IL15: variants seen among roughly 807,000 people sequenced by gnomAD.
IL15 encodes interleukin 15, also known as interleukin-15.
Under a neutral mutation model 19.6 loss-of-function variants are expected in IL15, and 11 were observed. That is an observed-to-expected ratio of 0.56 (90% confidence interval 0.35 to 0.93). IL15 has a LOEUF of 0.93. Among genes scored for constraint, IL15 ranks in the 40% least tolerant of loss-of-function variants. The pLI is 0.01. For synonymous variants in IL15, 58 were observed against 59.6 expected, an observed-to-expected ratio of 0.97 and a Z score of 0.12; for missense variants, 197 against 186.5, an observed-to-expected ratio of 1.06 and a Z score of -0.33.
intron 2 of IL15, among the ~76,000 whole-genome samples, chr4:141,708,116 A>T (rs1729587253): frequency 6.6e-6 from 1 of 152,212 alleles, no homozygotes; most frequent in Non-Finnish European, 1.5e-5. Flanking sequence ...AGGCACATAC[A>T]TGCTCAGAGT....
intron 2 of IL15, chr4:141,714,657 C>T (rs914667755): frequency 1.3e-5 from 2 of 152,260 alleles, no homozygotes; most frequent in African/African-American, 4.8e-5. Flanking sequence ...CCTGTCAGTG[C>T]ATTTGATGTG....
intron 1 of IL15, among the ~76,000 whole-genome samples, chr4:141,653,516 A>G (rs1727481215): frequency 6.6e-6 from 1 of 152,158 alleles, no homozygotes; most frequent in Non-Finnish European, 1.5e-5. Flanking sequence ...TTTTGTGCAG[A>G]CACACAAAAA....
At chr4:141,711,539 C>T (rs1398755712) in intron 2 of IL15, among the ~76,000 whole-genome samples, 1 of 151,972 alleles carries the variant, frequency 6.6e-6, no homozygotes, top group African/African-American at 2.4e-5. Flanking sequence ...TTTTTATATG[C>T]TTAGCATGCT....
At position 141,667,532 on chromosome 4, in the gene IL15, C is replaced by T. The variant is rs112602607; in HGVS notation, c.-100+11225C>T. ...AGTAGAGAAAAAACTGTTTTTCCAC[C>T]CAGCACCTATGGTTTAATTCATACC... is the stretch of plus-strand genomic sequence containing the variant. On this transcript the variant is annotated intron_variant, in intron 2 of 7. Coordinates refer to ENST00000320650, the MANE Select transcript of IL15 (RefSeq NM_000585.5). 5.9e-3 allele frequency among the ~76,000 whole-genome samples: 899 copies of T among 152,122 alleles called. 9 individuals carry two copies. Among genetic ancestry groups the T allele is most frequent in the African/African-American group, 0.021 (852 of 41,494 alleles).
chr4:141,721,816 A>AT lies in IL15; in HGVS notation c.111-102dup. The stretch of plus-strand genomic sequence containing the variant: ...ATGCACAGAAGCAAGGATAACACTG[A>AT]TTTTTTCACTGGTCAGAATAAAAAT... On this transcript the variant is annotated intron_variant, in intron 4 of 7. Transcript: ENST00000320650. The AT allele has an allele frequency of 1.8e-5, 18 of 975,962 alleles. No individual in the cohort carries two copies. The South Asian group carries it at 2.4e-4, about 13-fold the overall frequency. The allele number at this position is 975,962 out of a possible 1,614,324, so 60.5% of individuals were successfully genotyped here. A position where few individuals can be genotyped will look rare whatever the true frequency, so the allele number is the denominator to read the frequency against.
At chr4:141,676,292 CTT>C (rs1425164338) in intron 2 of IL15, among the ~76,000 whole-genome samples, 1 of 152,162 alleles carries the variant, frequency 6.6e-6, no homozygotes, top group Non-Finnish European at 1.5e-5. Context: ...AGCTGCCAGT[CTT>C]TTGCTTTTAC....
chr4:141,689,424 G>T (rs1728831980), intron 2 of IL15, among the ~76,000 whole-genome samples: 1 of 152,144 alleles, frequency 6.6e-6, no homozygotes, highest in African/African-American at 2.4e-5. Context: ...GCTAGATGCA[G>T]TGTCCACACA....
At chr4:141,641,414 C>T (rs1456894833) in intron 1 of IL15, among the ~76,000 whole-genome samples, 1 of 151,992 alleles carries the variant, frequency 6.6e-6, no homozygotes, top group African/African-American at 2.4e-5. Context: ...CAGCACTATT[C>T]ACAATAGCAA....
chr4:141,706,632 T>C (rs950759201), intron 2 of IL15, among the ~76,000 whole-genome samples: 3 of 152,148 alleles, frequency 2.0e-5, no homozygotes, highest in Non-Finnish European at 4.4e-5. Flanking sequence ...CGTCAGTGTT[T>C]GTTTGTCTGG....
At chr4:141,652,941 C>A (rs144773820) in intron 1 of IL15, among the ~76,000 whole-genome samples, 3 of 152,056 alleles carry the variant, frequency 2.0e-5, no homozygotes, top group Non-Finnish European at 2.9e-5. Flanking sequence ...TCACCGAATA[C>A]GTTATTATCA....
intron 7 of IL15, among the ~76,000 whole-genome samples, chr4:141,731,473 C>T (rs1233439593): frequency 6.6e-6 from 1 of 152,138 alleles, no homozygotes; most frequent in Non-Finnish European, 1.5e-5. Flanking sequence ...TTATCTCCAT[C>T]TTATTGGTGG....
intron 2 of IL15, among the ~76,000 whole-genome samples, chr4:141,661,427 G>T (rs1273651263): frequency 6.6e-6 from 1 of 151,996 alleles, no homozygotes; most frequent in East Asian, 1.9e-4. Flanking sequence ...TTGGAAGGAA[G>T]GGGTTGTATC....
chr4:141,710,408 CA>C lies in IL15; in HGVS notation c.-99-8957del, dbSNP rs1444441679. 5.9e-5 allele frequency among the ~76,000 whole-genome samples: 9 copies of C among 152,294 alleles called. 1 individual carries two copies. The South Asian group carries it at 1.9e-3, about 32-fold the overall frequency. ...TACTTTTTCTCTATTCTTGTTACTA[CA>C]GTCATATTTACTTGGCATATCTTTT... On this transcript the variant is annotated intron_variant, in intron 2 of 7. Transcript: ENST00000320650.
chr4:141,669,767 A>G (rs1245545190), intron 2 of IL15, among the ~76,000 whole-genome samples: 1 of 76,458 alleles, frequency 1.3e-5, no homozygotes, highest in Non-Finnish European at 2.3e-5. Context: ...GTCACATCTT[A>G]TTCTTTGTAT....
intron 2 of IL15, among the ~76,000 whole-genome samples, chr4:141,666,360 A>T (rs1727986697): frequency 6.6e-6 from 1 of 151,928 alleles, no homozygotes; most frequent in Non-Finnish European, 1.5e-5. Context: ...TTAATTTAAA[A>T]TTTTCAATTT....
intron 1 of IL15, among the ~76,000 whole-genome samples, chr4:141,651,954 C>T (rs1727422006): frequency 6.6e-6 from 1 of 152,006 alleles, no homozygotes; most frequent in Non-Finnish European, 1.5e-5. Context: ...TCTTGGGAAA[C>T]CTGTAGCAAG....
intron 2 of IL15, among the ~76,000 whole-genome samples, chr4:141,665,856 C>T (rs1028026787): frequency 2.0e-5 from 3 of 152,000 alleles, no homozygotes; most frequent in African/African-American, 7.2e-5. Flanking sequence ...TGGTTTCTGT[C>T]TCATAACTCC....
intron 5 of IL15, 107 bp downstream of exon 5, chr4:141,722,115 T>G (rs904601168): frequency 7.7e-7 from 1 of 1,303,810 alleles, no homozygotes. Flanking sequence ...AACAATAATA[T>G]TTTTGTAGAA....
intron 2 of IL15, among the ~76,000 whole-genome samples, chr4:141,678,004 C>A (rs982405736): frequency 1.3e-5 from 2 of 152,134 alleles, no homozygotes; most frequent in African/African-American, 4.8e-5. Context: ...GTCTCTATAC[C>A]ACATTCATCA....
Sources: gnomAD v4.1 joint callset for allele counts (sites outside exome capture counted in the v4.1 genomes callset) on GRCh38, gnomAD v4.1.1 for gene constraint, MANE v1.5 for transcripts, NCBI Gene and HGNC (gene_info 2026-07-23, HGNC 2026-07-21) for gene names.